DZIP3: variants seen among roughly 807,000 people sequenced by gnomAD.
DZIP3 encodes the protein E3 ubiquitin-protein ligase DZIP3.
A neutral mutation model predicts 162.0 loss-of-function variants in DZIP3; 118 were observed. That is an observed-to-expected ratio of 0.73 (90% CI 0.63 to 0.85). The LOEUF is 0.85. Among genes scored for constraint, DZIP3 ranks in the 40% least tolerant of loss-of-function variants. The pLI is 0.00. For synonymous variants in DZIP3, 438 were observed against 458.6 expected (o/e 0.96, Z 0.57); for missense variants, 1,331 against 1,407.0 (o/e 0.95, Z 0.86).
In DZIP3 at chr3:108,631,055, A is replaced by ATACACTCTCTCTCT. The variant is rs1553705360; in HGVS notation, c.696+1879_696+1880insTACACTCTCTCTCT. ...CACACACACACACACACACACACACACTCTCTCTCTCTCTCTCTCTCTCTC... is the reference window on the plus strand; with the variant it reads ...CACACACACACACACACACACACACATACACTCTCTCTCTCTCTCTCTCTCTCTCTCTCTCTCTC... On this transcript the variant is annotated intron_variant, in intron 8 of 32. Transcript: ENST00000361582. 6.9e-3 allele frequency among the ~76,000 whole-genome samples: 124 copies of ATACACTCTCTCTCT among 18,028 alleles called. 6 individuals are homozygous for ATACACTCTCTCTCT. The highest frequency in any genetic ancestry group is 0.031 in the African/African-American group (112 of 3,568). 11.8% of individuals were successfully genotyped at this position (18,028 alleles called of 152,430 possible). A position where few individuals can be genotyped will look rare whatever the true frequency, so the allele number is the denominator to read the frequency against.
chr3:108,605,235 A>G lies in DZIP3; in HGVS notation c.-72-100A>G, dbSNP rs1275873454. ...ACTATGATTCATTTTCTTCTTTTAGAGCAGTTTCAGATTTTCTTCAAATGA... is the reference window on the plus strand; with the variant it reads ...ACTATGATTCATTTTCTTCTTTTAGGGCAGTTTCAGATTTTCTTCAAATGA... On this transcript the variant is annotated intron_variant, in intron 1 of 32. Coordinates refer to ENST00000361582, the MANE Select transcript of DZIP3 (RefSeq NM_014648.4). The G allele has an allele frequency of 1.2e-5, 10 of 825,630 alleles. No homozygotes were observed. In the South Asian group the frequency reaches 1.6e-4, roughly 13 times the overall value. 51.1% of individuals were successfully genotyped at this position (825,630 alleles called of 1,614,324 possible). A position where few individuals can be genotyped will look rare whatever the true frequency, so the allele number is the denominator to read the frequency against.
rs1189954957 is a variant in DZIP3 at position 108,693,678 on chromosome 3, C to A, written c.*325C>A. 2 of 152,082 alleles carry A rather than the reference C, an allele frequency of 1.3e-5. No individual in the cohort carries two copies. Among genetic ancestry groups the A allele is most frequent in the Non-Finnish European group, 2.9e-5 (2 of 68,014 alleles). 9.4% of individuals were successfully genotyped at this position (152,082 alleles called of 1,614,324 possible). A position where few individuals can be genotyped will look rare whatever the true frequency, so the allele number is the denominator to read the frequency against. On this transcript the variant is annotated 3_prime_UTR_variant, in exon 33 of 33. Coordinates refer to ENST00000361582, the MANE Select transcript of DZIP3 (RefSeq NM_014648.4). Reference sequence around the variant, plus strand: ...GATAAATATTGCCAGAATCAGATATCAGGAAGTAGTAAGAAAAGGAGTTAA... The same window carrying A: ...GATAAATATTGCCAGAATCAGATATAAGGAAGTAGTAAGAAAAGGAGTTAA...
Position 108,669,698 on chromosome 3 carries a change from A to C in DZIP3, c.2441A>C (p.His814Pro), listed in dbSNP as rs746077302. The C allele has an allele frequency of 8.7e-6, 14 of 1,611,192 alleles. No homozygotes were observed. Among genetic ancestry groups the C allele is most frequent in the Non-Finnish European group, 1.2e-5 (14 of 1,178,364 alleles). Residue 814 changes from histidine (H) to proline (P), a missense_variant, in exon 22 of 33, where the codon CAT (histidine) becomes CCT (proline). His to Pro is a moderately conservative substitution (Grantham distance 77, BLOSUM62 -2). This residue lies in a region of DZIP3 where 1,278 missense variants were observed against 1,317.1 expected (regional missense o/e 0.97). Coordinates refer to ENST00000361582, the MANE Select transcript of DZIP3 (RefSeq NM_014648.4). The stretch of plus-strand genomic sequence containing the variant: ...TTGCTTAGATTACAGCGTCAAATCC[A>C]TGCTAAAGATAATGAAATCAAGAAC... ...NKVSKLQRQI[H>P]AKDNEIKNLK...
chr3:108,608,001 A>G (rs1029094784), intron 2 of DZIP3, 88 bp from the exon 3 acceptor site: 6 of 1,161,368 alleles, frequency 5.2e-6, no homozygotes, highest in East Asian at 2.4e-5. Flanking sequence ...CTTTCAGACA[A>G]TAATTCAATT....
intron 1 of DZIP3, among the ~76,000 whole-genome samples, chr3:108,604,384 C>T (rs947170170): frequency 1.3e-5 from 2 of 152,124 alleles, no homozygotes; most frequent in African/African-American, 4.8e-5. Flanking sequence ...TTAACACTTT[C>T]CGGGCTTAGG....
Position 108,677,550 on chromosome 3 carries a change from C to T in DZIP3, c.2835C>T (p.Thr945=). 6.2e-7 allele frequency: 1 copy of T among 1,612,698 alleles called. No homozygotes were observed. Among genetic ancestry groups the T allele is most frequent in the Non-Finnish European group, 8.5e-7 (1 of 1,179,056 alleles). ...TCAAGCAAGGATTTGCCTTGAGTAC[C>T]TTGCCTCCAGTCCAGCTTCCTCCTC... The part of the protein sequence containing the change: ...NKVKQGFALS[T]LPPVQLPPPP... Residue 945 remains threonine (T), a synonymous_variant, in exon 26 of 33, where the codon ACC becomes ACT. Coordinates refer to ENST00000361582, the MANE Select transcript of DZIP3 (RefSeq NM_014648.4).
chr3:108,677,402 T>C, intron 25 of DZIP3, 95 bp from the exon 26 acceptor site: 1 of 997,882 alleles, frequency 1.0e-6, no homozygotes, highest in Non-Finnish European at 1.6e-6. Flanking sequence ...ACCACTCTTG[T>C]ATGTTGTATT....
At chr3:108,655,072 G>T (rs542741957) in intron 19 of DZIP3, among the ~76,000 whole-genome samples, 5 of 152,084 alleles carry the variant, frequency 3.3e-5, no homozygotes, top group African/African-American at 9.6e-5. Flanking sequence ...CATATTCTTA[G>T]CTTTGGATGT....
At chr3:108,680,625 A>G (rs1207948750) in intron 26 of DZIP3, among the ~76,000 whole-genome samples, 1 of 152,176 alleles carries the variant, frequency 6.6e-6, no homozygotes, top group East Asian at 1.9e-4. Context: ...CATTGGTGAA[A>G]GAAATTGAGG....
intron 1 of DZIP3, among the ~76,000 whole-genome samples, chr3:108,591,782 A>G (rs1048200852): frequency 5.3e-5 from 8 of 152,100 alleles, no homozygotes; most frequent in African/African-American, 1.9e-4. Flanking sequence ...GAGGACCTTG[A>G]ACCCAGGAGT....
intron 1 of DZIP3, chr3:108,603,056 C>A (rs2107467514): frequency 6.6e-6 from 1 of 152,252 alleles, no homozygotes; most frequent in South Asian, 2.1e-4. Flanking sequence ...CTTCTGTCCT[C>A]TCTTATCTCA....
Position 108,690,767 on chromosome 3 carries a change from T to C in DZIP3, c.3517-20T>C, listed in dbSNP as rs758057067. 6.2e-7 allele frequency: 1 copy of C among 1,609,968 alleles called. No individual in the cohort carries two copies. Among genetic ancestry groups the C allele is most frequent in the Admixed American group, 1.7e-5 (1 of 59,894 alleles). ...CTAGGCTACATCTGAGAGACTGACATAAATCTTTTTGCTCCTTAGTGCATT... is the reference window on the plus strand; with the variant it reads ...CTAGGCTACATCTGAGAGACTGACACAAATCTTTTTGCTCCTTAGTGCATT... On this transcript the variant is annotated intron_variant, in intron 31 of 32. Coordinates refer to ENST00000361582, the MANE Select transcript of DZIP3 (RefSeq NM_014648.4).
At chr3:108,670,074 A>T (rs781127373) in intron 22 of DZIP3, among the ~76,000 whole-genome samples, 34 of 152,058 alleles carry the variant, frequency 2.2e-4, no homozygotes, top group Non-Finnish European at 4.1e-4. Context: ...TGACTGCTTT[A>T]TGAAACTGGC....
chr3:108,634,920 A>T lies in DZIP3; in HGVS notation c.866A>T (p.Lys289Ile). ...AAAAGTTGCTGTGTTTATTTCCATA[A>T]AATTTGCTGGAAAAAGTTCAAGAAT... ...CSKSCCVYFH[K>I]ICWKKFKNLK... Residue 289 changes from lysine (K) to isoleucine (I), a missense_variant, in exon 10 of 33, where the codon AAA (lysine) becomes ATA (isoleucine). Lys to Ile is a moderately radical substitution (Grantham distance 102). Transcript: ENST00000361582. 1.9e-6 allele frequency: 3 copies of T among 1,610,476 alleles called. No individual in the cohort carries two copies. Among genetic ancestry groups the T allele is most frequent in the East Asian group, 4.5e-5 (2 of 44,558 alleles).
At chr3:108,672,450 A>C in intron 22 of DZIP3, 110 bp from the exon 23 acceptor site, 1 of 901,360 alleles carries the variant, frequency 1.1e-6, no homozygotes, top group Non-Finnish European at 1.8e-6. Flanking sequence ...ATACTTTTCC[A>C]AGAAATAATT....
At chr3:108,646,799 T>A in intron 15 of DZIP3, 150 bp downstream of exon 15, 1 of 557,850 alleles carries the variant, frequency 1.8e-6, no homozygotes. Flanking sequence ...TCCCTGTACT[T>A]TGGGAGGCTG....
intron 32 of DZIP3, chr3:108,691,528 C>G (rs1944696565): frequency 6.6e-6 from 1 of 152,016 alleles, no homozygotes; most frequent in South Asian, 2.1e-4. Context: ...TCTCTGTGTC[C>G]CTGTGTCTCC....
At chr3:108,628,291 G>C (rs946491996) in intron 7 of DZIP3, among the ~76,000 whole-genome samples, 1 of 152,138 alleles carries the variant, frequency 6.6e-6, no homozygotes, top group Non-Finnish European at 1.5e-5. Context: ...CAAGGAGGAG[G>C]TCTTTGCCAG....
chr3:108,669,668 C>T lies in DZIP3; in HGVS notation c.2424-13C>T. The T allele has an allele frequency of 1.2e-6, 2 of 1,609,194 alleles. No individual in the cohort carries two copies. Among genetic ancestry groups the T allele is most frequent in the Non-Finnish European group, 1.7e-6 (2 of 1,177,218 alleles). ...TTTCTAACATCTTTTGACTTTCTTG[C>T]TTGTTTGCTTAGATTACAGCGTCAA... On this transcript the variant is annotated splice_polypyrimidine_tract_variant and intron_variant, in intron 21 of 32. Transcript: ENST00000361582.
Sources: gnomAD v4.1 joint callset for allele counts (sites outside exome capture counted in the v4.1 genomes callset) on GRCh38, gnomAD v4.1.1 for gene constraint, gnomAD v4.1.1 regional missense constraint, MANE v1.5 for transcripts, NCBI Gene and HGNC (gene_info 2026-07-23, HGNC 2026-07-21) for gene names.